RAPGEF4: variants seen among roughly 807,000 people sequenced by gnomAD.
RAPGEF4 encodes the protein Rap guanine nucleotide exchange factor 4.
RAPGEF4 carries 66 observed loss-of-function variants against 147.9 expected under a neutral mutation model. The observed-to-expected ratio is 0.45, with a 90% CI of 0.37 to 0.55. RAPGEF4 has a LOEUF of 0.55. Among genes scored for constraint, RAPGEF4 ranks in the 20% least tolerant of loss-of-function variants. The pLI is 0.00. For synonymous variants in RAPGEF4, 419 were observed against 442.7 expected, an observed-to-expected ratio of 0.95 and a Z score of 0.67; for missense variants, 1,071 against 1,257.3, an observed-to-expected ratio of 0.85 and a Z score of 2.24.
chr2:172,925,261 G>C (rs72908293), intron 6 of RAPGEF4, among the ~76,000 whole-genome samples: 3,926 of 152,292 alleles, frequency 0.026, 70 homozygotes, highest in South Asian at 0.055. Flanking sequence ...TTACGGGTGT[G>C]AGCCACCACA....
At chr2:172,849,651 G>T (rs1692595921) in intron 4 of RAPGEF4, among the ~76,000 whole-genome samples, 1 of 152,110 alleles carries the variant, frequency 6.6e-6, no homozygotes, top group East Asian at 1.9e-4. Context: ...TTATTAATAG[G>T]ACATGCCCTT....
At chr2:172,788,048 T>C (rs894733323) in intron 1 of RAPGEF4, among the ~76,000 whole-genome samples, 2 of 152,172 alleles carry the variant, frequency 1.3e-5, no homozygotes. Context: ...CTCTAACTCA[T>C]AGACAGCACC....
At chr2:172,888,356 T>C (rs968748159) in intron 4 of RAPGEF4, among the ~76,000 whole-genome samples, 1 of 152,204 alleles carries the variant, frequency 6.6e-6, no homozygotes, top group African/African-American at 2.4e-5. Context: ...TGTATCTCAG[T>C]CTGTTGTCCT....
intron 6 of RAPGEF4, among the ~76,000 whole-genome samples, chr2:172,934,426 C>T (rs1686327473): frequency 6.6e-6 from 1 of 152,152 alleles, no homozygotes; most frequent in African/African-American, 2.4e-5. Context: ...GCTGGGATTA[C>T]AGGTGTGAGC....
At position 172,814,327 on chromosome 2, in the gene RAPGEF4, T is replaced by A. The variant is rs755172794; in HGVS notation, c.346T>A (p.Ser116Thr). Residue 116 changes from serine to threonine, a missense_variant, in exon 4 of 31, where the codon TCC (serine) becomes ACC (threonine). By Grantham distance (58) the Ser-to-Thr change is moderately conservative (BLOSUM62 1). Coordinates refer to ENST00000397081, the MANE Select transcript of RAPGEF4 (RefSeq NM_007023.4). ...TLGIGTAFGE[S>T]ILDNTPRHAT... ...GGGAATTGGGACGGCCTTTGGAGAG[T>A]CCATTCTGGACAACACACCCCGCCA... 1 of 1,613,780 alleles carries A rather than the reference T, an allele frequency of 6.2e-7. No homozygotes were observed. Among genetic ancestry groups the A allele is most frequent in the African/African-American group, 1.3e-5 (1 of 74,898 alleles).
chr2:173,013,534 A>C (rs1695220092), intron 17 of RAPGEF4, among the ~76,000 whole-genome samples: 1 of 152,232 alleles, frequency 6.6e-6, no homozygotes, highest in Admixed American at 6.5e-5. Flanking sequence ...CTATAATATG[A>C]ACTATAAATC....
In RAPGEF4 at chr2:172,923,478, G is replaced by A. The variant is rs568047244; in HGVS notation, c.537+1178G>A. Among the ~76,000 whole-genome samples, 3 of 152,214 alleles carry A rather than the reference G, an allele frequency of 2.0e-5. No individual in the cohort carries two copies. The East Asian group carries it at 5.8e-4, about 29-fold the overall frequency. On this transcript the variant is annotated intron_variant, in intron 6 of 30. Transcript: ENST00000397081. ...AGATGGGGTTTTACCATGTTGGCCA[G>A]GCTGGTCTCGAACTCCTGACCTCAA...
Position 173,018,646 on chromosome 2 carries a change from C to T in RAPGEF4, c.2009-10C>T. ...GAGTGATTTACTACCTTGTTACTGC[C>T]TTTGGATAGTTCTGTTTAAGGTCTA... On this transcript the variant is annotated splice_polypyrimidine_tract_variant and intron_variant, in intron 21 of 30. Coordinates refer to ENST00000397081, the MANE Select transcript of RAPGEF4 (RefSeq NM_007023.4). The T allele has an allele frequency of 6.2e-7, 1 of 1,609,716 alleles. No homozygotes were observed. Among genetic ancestry groups the T allele is most frequent in the South Asian group, 1.1e-5 (1 of 90,140 alleles).
intron 6 of RAPGEF4, among the ~76,000 whole-genome samples, chr2:172,946,109 T>G (rs1177229231): frequency 6.6e-6 from 1 of 152,230 alleles, no homozygotes; most frequent in Admixed American, 6.5e-5. Flanking sequence ...TTATGCTGTA[T>G]ACATTTAAAG....
At chr2:172,885,687 G>A (rs1341438382) in intron 4 of RAPGEF4, among the ~76,000 whole-genome samples, 4 of 152,130 alleles carry the variant, frequency 2.6e-5, no homozygotes, top group African/African-American at 7.2e-5. Context: ...CAGTATGGGA[G>A]GAACCGCCCC....
intron 17 of RAPGEF4, among the ~76,000 whole-genome samples, chr2:173,011,170 G>GCGCGCGCGCGCGCACACACA (rs564434178): frequency 7.5e-6 from 1 of 133,500 alleles, no homozygotes; most frequent in African/African-American, 2.9e-5. Context: ...GCGCGCGCGC[G>GCGCGCGCGCGCGCACACACA]CACACACACA....
At chr2:172,859,995 GA>G (rs1693844361) in intron 4 of RAPGEF4, 16 of 982,140 alleles carry the variant, frequency 1.6e-5, no homozygotes, top group Non-Finnish European at 1.9e-5. Context: ...GGAAAACAGG[GA>G]GGGGTGGGGG....
At position 173,016,441 on chromosome 2, in the gene RAPGEF4, A is replaced by T; in HGVS notation, c.1898+4A>T. The T allele has an allele frequency of 6.2e-7, 1 of 1,601,910 alleles. No individual in the cohort carries two copies. The highest frequency in any genetic ancestry group is 1.1e-5 in the South Asian group (1 of 90,826). On this transcript the variant is annotated splice_donor_region_variant and intron_variant, in intron 19 of 30. Coordinates refer to ENST00000397081, the MANE Select transcript of RAPGEF4 (RefSeq NM_007023.4). ...TGGAGAAGATTGTCAAGCAAATGTA[A>T]GGAAGGGCTTGACTGTGGGGGTGTG...
chr2:172,957,178 T>A (rs1034340720), intron 6 of RAPGEF4, among the ~76,000 whole-genome samples: 1 of 152,238 alleles, frequency 6.6e-6, no homozygotes, highest in Non-Finnish European at 1.5e-5. Context: ...TAAAGGAGCA[T>A]GTGTGCACAG....
chr2:172,949,959 C>T (rs1270952299), intron 6 of RAPGEF4, among the ~76,000 whole-genome samples: 2 of 152,188 alleles, frequency 1.3e-5, no homozygotes, highest in South Asian at 2.1e-4. Context: ...GAAATGGAAA[C>T]TTGCCTTTCT....
At chr2:172,793,878 G>A (rs778196952) in intron 1 of RAPGEF4, among the ~76,000 whole-genome samples, 1 of 152,130 alleles carries the variant, frequency 6.6e-6, no homozygotes, top group Non-Finnish European at 1.5e-5. Flanking sequence ...GCTCATGCCT[G>A]TAATCCTAGC....
chr2:173,005,530 T>TTTTG (rs1004427259), intron 17 of RAPGEF4, among the ~76,000 whole-genome samples: 2 of 139,338 alleles, frequency 1.4e-5, no homozygotes, highest in African/African-American at 5.3e-5. Flanking sequence ...GTTTTTTTTT[T>TTTTG]TTTTTTTTTT....
intron 3 of RAPGEF4, among the ~76,000 whole-genome samples, chr2:172,804,923 C>T (rs1216784788): frequency 2.0e-5 from 3 of 152,338 alleles, no homozygotes; most frequent in Admixed American, 6.5e-5. Flanking sequence ...AATGGCTCAC[C>T]TTCCAGTGTC....
At chr2:172,831,915 A>C (rs558282328) in intron 4 of RAPGEF4, among the ~76,000 whole-genome samples, 2 of 152,332 alleles carry the variant, frequency 1.3e-5, no homozygotes, top group South Asian at 4.1e-4. Context: ...ATGACCTTGC[A>C]TCCATGTCCT....
Sources: allele counts gnomAD v4.1 joint callset (sites outside exome capture counted in the v4.1 genomes callset), GRCh38; gene constraint gnomAD v4.1.1; transcripts MANE v1.5; gene names NCBI Gene and HGNC (gene_info 2026-07-23, HGNC 2026-07-21).